Variants in CHRNA3 observed in about 807,000 individuals in gnomAD.
CHRNA3 encodes cholinergic receptor nicotinic alpha 3 subunit.
Under a neutral mutation model 41.9 loss-of-function variants are expected in CHRNA3, and 34 were observed. That is an observed-to-expected ratio of 0.81 (90% CI 0.62 to 1.08). The LOEUF is 1.08. CHRNA3 is among the 50% of genes least tolerant of loss of function. The probability of loss-of-function intolerance (pLI) is 0.00; values close to 1 mark genes in which losing one functional copy is unlikely to be tolerated. For synonymous variants in CHRNA3, 281 were observed against 265.2 expected (o/e 1.06, Z -0.58); for missense variants, 542 against 638.3 (o/e 0.85, Z 1.63).
Position 78,601,636 on chromosome 15 carries a change from G to C in CHRNA3, c.1006C>G (p.His336Asp). Residue 336 changes from histidine to aspartate, a missense_variant, in exon 5 of 6, where the codon CAC becomes GAC. His to Asp is a moderately conservative substitution (Grantham distance 81, BLOSUM62 -1). Transcript: ENST00000326828. The part of the protein sequence containing the change: ...LNVHYRTPTT[H>D]TMPSWVKTVF... Reference sequence around the variant, plus strand: ...GTCTTCACCCATGAGGGCATTGTGTGTGTCGTCGGGGTTCTGTAGTGCACG... The same window carrying C: ...GTCTTCACCCATGAGGGCATTGTGTCTGTCGTCGGGGTTCTGTAGTGCACG... 1 of 1,614,186 alleles carries C rather than the reference G, an allele frequency of 6.2e-7. No individual in the cohort carries two copies. The highest frequency in any genetic ancestry group is 8.5e-7 in the Non-Finnish European group (1 of 1,180,034).
At chr15:78,603,207 G>A (rs981198831) in intron 4 of CHRNA3, among the ~76,000 whole-genome samples, 1 of 152,190 alleles carries the variant, frequency 6.6e-6, no homozygotes, top group African/African-American at 2.4e-5. Flanking sequence ...TAGGGATGGA[G>A]TTTTGCCATG....
chr15:78,613,772 A>ACAAC (rs1462687669), intron 4 of CHRNA3, among the ~76,000 whole-genome samples: 1 of 72,186 alleles, frequency 1.4e-5, no homozygotes, highest in African/African-American at 7.6e-5. Context: ...AAACAAAAAA[A>ACAAC]AAACCAAAAA....
intron 4 of CHRNA3, among the ~76,000 whole-genome samples, chr15:78,613,592 G>A (rs1351213885): frequency 6.7e-6 from 1 of 148,778 alleles, no homozygotes. Context: ...AGGGGGGAGA[G>A]ATAGCATTAG....
intron 4 of CHRNA3, among the ~76,000 whole-genome samples, chr15:78,603,929 C>T (rs995022793): frequency 1.3e-5 from 2 of 152,036 alleles, no homozygotes; most frequent in Non-Finnish European, 2.9e-5. Flanking sequence ...CCACACAGTC[C>T]CCAAGTGGAC....
At position 78,601,483 on chromosome 15, in the gene CHRNA3, CTG is replaced by C; in HGVS notation, c.1157_1158del (p.Ala386GlyfsTer32). On this transcript the variant is annotated frameshift_variant, in exon 5 of 6. Coordinates refer to ENST00000326828, the MANE Select transcript of CHRNA3 (RefSeq NM_000743.5). LOFTEE classifies it high-confidence loss of function. ...ELSNLNCFSR[A>X]ESKGCKEGYP... ...TAGCCCTCCTTGCAGCCTTTGGACT[CTG>C]CGCGGCTGAAGCAATTCAGATTTGA... is the stretch of plus-strand genomic sequence containing the variant. 1 of 1,614,152 alleles carries C rather than the reference CTG, an allele frequency of 6.2e-7. No homozygotes were observed. Among genetic ancestry groups the C allele is most frequent in the Non-Finnish European group, 8.5e-7 (1 of 1,180,032 alleles).
chr15:78,595,124 GTTTAATGCCA>G (rs2053080510), downstream of CHRNA3: 1 of 190,908 alleles, frequency 5.2e-6, no homozygotes, highest in Non-Finnish European at 9.7e-6. Flanking sequence ...GTAGGCAGGT[GTTTAATGCCA>G]TTTAATGAGT....
chr15:78,618,463 A>C (rs925956092), intron 3 of CHRNA3, 154 bp downstream of exon 3: 13 of 806,248 alleles, frequency 1.6e-5, no homozygotes, highest in Middle Eastern at 7.4e-4. Context: ...TGTGACCTCA[A>C]GCCTTAGAAG....
chr15:78,596,552 T>G lies in CHRNA3; in HGVS notation c.*52A>C. ...AGTACGTTCTTACTAGGAAGCAGCC[T>G]CCTCCTGCCCTGACACAAGGAAGTC... On this transcript the variant is annotated 3_prime_UTR_variant, in exon 6 of 6. Transcript: ENST00000326828. The G allele has an allele frequency of 2.1e-6, 3 of 1,403,786 alleles. No individual in the cohort carries two copies. The highest frequency in any genetic ancestry group is 2.8e-6 in the Non-Finnish European group (3 of 1,073,644). The allele number at this position is 1,403,786 out of a possible 1,614,324, so 87.0% of individuals were successfully genotyped here. A position where few individuals can be genotyped will look rare whatever the true frequency, so the allele number is the denominator to read the frequency against.
intron 4 of CHRNA3, among the ~76,000 whole-genome samples, chr15:78,615,695 CAGTG>C (rs2053450459): frequency 6.6e-6 from 1 of 150,548 alleles, no homozygotes; most frequent in Admixed American, 6.6e-5. Flanking sequence ...TTAGAAAAGA[CAGTG>C]AGGAACAAAG....
chr15:78,597,562 T>C (rs898100259), intron 5 of CHRNA3, among the ~76,000 whole-genome samples: 1 of 152,208 alleles, frequency 6.6e-6, no homozygotes, highest in African/African-American at 2.4e-5. Flanking sequence ...TCAAAAGTCA[T>C]TTTTACTCAT....
chr15:78,611,454 A>G (rs553995860), intron 4 of CHRNA3, among the ~76,000 whole-genome samples: 8 of 151,686 alleles, frequency 5.3e-5, no homozygotes, highest in African/African-American at 1.5e-4. Context: ...ATATAAACAG[A>G]ACCAAAGACA....
chr15:78,620,661 C>A, intron 1 of CHRNA3, 52 bp downstream of exon 1: 1 of 1,494,562 alleles, frequency 6.7e-7, no homozygotes, highest in Non-Finnish European at 8.9e-7. Context: ...CCGGACCCCG[C>A]GCCCCTTCTC....
Position 78,595,764 on chromosome 15 carries a change from G to T in CHRNA3, c.*840C>A, listed in dbSNP as rs2053096357. The T allele has an allele frequency of 6.6e-6, 1 of 152,402 alleles. No homozygotes were observed. Among genetic ancestry groups the T allele is most frequent in the Non-Finnish European group, 1.5e-5 (1 of 68,252 alleles). The allele number at this position is 152,402 out of a possible 1,614,324, so 9.4% of individuals were successfully genotyped here. ...CCCAGCGTGATTGTCTTAGATAGAA[G>T]GTGGGGCCTTGGAAAGGTGATTAGG... is the stretch of plus-strand genomic sequence containing the variant. On this transcript the variant is annotated 3_prime_UTR_variant, in exon 6 of 6. Coordinates refer to ENST00000326828, the MANE Select transcript of CHRNA3 (RefSeq NM_000743.5).
At chr15:78,600,212 C>A (rs1170385240) in intron 5 of CHRNA3, among the ~76,000 whole-genome samples, 1 of 152,086 alleles carries the variant, frequency 6.6e-6, no homozygotes, top group Non-Finnish European at 1.5e-5. Flanking sequence ...GTAGCTGGAA[C>A]TACAGGCACG....
At chr15:78,605,898 A>G (rs2053278565) in intron 4 of CHRNA3, among the ~76,000 whole-genome samples, 1 of 152,174 alleles carries the variant, frequency 6.6e-6, no homozygotes, top group Non-Finnish European at 1.5e-5. Flanking sequence ...GGAGGTGGCC[A>G]TGCATTGAGA....
In CHRNA3 at chr15:78,602,298, G is replaced by A. The variant is rs367970536; in HGVS notation, c.378-34C>T. 38 of 1,594,146 alleles carry A rather than the reference G, an allele frequency of 2.4e-5. No individual in the cohort carries two copies. In the East Asian group the frequency reaches 4.0e-4, roughly 17 times the overall value. On this transcript the variant is annotated intron_variant, in intron 4 of 5. Coordinates refer to ENST00000326828, the MANE Select transcript of CHRNA3 (RefSeq NM_000743.5). The stretch of plus-strand genomic sequence containing the variant: ...ACAAAGAGGGGGCACAGTGACACAC[G>A]GTCATTAACACTTGGTCATATTGTG...
intron 4 of CHRNA3, among the ~76,000 whole-genome samples, chr15:78,608,955 T>C (rs1165980956): frequency 1.3e-5 from 2 of 152,254 alleles, no homozygotes; most frequent in South Asian, 2.1e-4. Flanking sequence ...CAGGAGCCGA[T>C]GCAATCAACT....
At chr15:78,610,761 C>T (rs1339084970) in intron 4 of CHRNA3, among the ~76,000 whole-genome samples, 3 of 151,732 alleles carry the variant, frequency 2.0e-5, no homozygotes, top group South Asian at 2.1e-4. Context: ...CACAAAAAAC[C>T]CTTCAAAAAA....
chr15:78,618,245 T>TA (rs1282395645), intron 3 of CHRNA3: 1 of 230,622 alleles, frequency 4.3e-6, no homozygotes, highest in African/African-American at 2.6e-5. Flanking sequence ...AGATCCCGTC[T>TA]GGAAAAAAAA....
Sources: allele counts gnomAD v4.1 joint callset (sites outside exome capture counted in the v4.1 genomes callset), GRCh38; gene constraint gnomAD v4.1.1; transcripts MANE v1.5; gene names NCBI Gene and HGNC (gene_info 2026-07-23, HGNC 2026-07-21).